The following ANAPC4 variants were observed in gnomAD, a reference collection of about 807,000 sequenced individuals.
ANAPC4 encodes the protein anaphase-promoting complex subunit 4.
A neutral mutation model predicts 119.8 loss-of-function variants in ANAPC4; 63 were observed. The observed-to-expected ratio is 0.53, with a 90% CI of 0.43 to 0.65. ANAPC4 has a LOEUF of 0.65. Ranked by LOEUF, ANAPC4 falls within the 30% of genes least tolerant of loss-of-function variation. ANAPC4 has a pLI of 0.00. For synonymous variants in ANAPC4, 283 were observed against 318.6 expected (o/e 0.89, Z 1.19); for missense variants, 716 against 945.1 (o/e 0.76, Z 3.18).
At chr4:25,401,644 C>T (rs16877106) in intron 16 of ANAPC4, among the ~76,000 whole-genome samples, 7,372 of 152,284 alleles carry the variant, frequency 0.048, 205 homozygotes, top group South Asian at 0.078. Context: ...AGGGCCTACG[C>T]TCTTAAGCCA....
At chr4:25,383,547 A>AC (rs564563091) in intron 4 of ANAPC4, among the ~76,000 whole-genome samples, 154 bp downstream of exon 4, 21 of 150,478 alleles carry the variant, frequency 1.4e-4, no homozygotes, top group Non-Finnish European at 5.9e-5. Flanking sequence ...GCTTTCTTAG[A>AC]TTTTTTTTTT....
chr4:25,395,743 C>T (rs1258071871), intron 14 of ANAPC4, among the ~76,000 whole-genome samples: 5 of 152,170 alleles, frequency 3.3e-5, no homozygotes, highest in African/African-American at 1.2e-4. Context: ...AGCCACCACA[C>T]CTGGTGGTGT....
In ANAPC4 at chr4:25,407,262, T is replaced by C. The variant is rs370122635; in HGVS notation, c.1431+9T>C. On this transcript the variant is annotated intron_variant, in intron 20 of 28. Coordinates refer to ENST00000315368, the MANE Select transcript of ANAPC4 (RefSeq NM_013367.3). ...TTGAAAGAGTTGGTCAGGTATGGGC[T>C]TTGAACTCATTTTAAAACCTTAGCA... is the stretch of plus-strand genomic sequence containing the variant. 1.3e-6 allele frequency: 2 copies of C among 1,589,710 alleles called. No individual in the cohort carries two copies. Among genetic ancestry groups the C allele is most frequent in the African/African-American group, 2.7e-5 (2 of 73,346 alleles).
At chr4:25,379,282 A>G (rs890280286) in intron 2 of ANAPC4, among the ~76,000 whole-genome samples, 1 of 152,164 alleles carries the variant, frequency 6.6e-6, no homozygotes, top group Non-Finnish European at 1.5e-5. Flanking sequence ...ATCACCAAAA[A>G]TGATGATGAG....
intron 20 of ANAPC4, 74 bp downstream of exon 20, chr4:25,407,327 C>A (rs1723309177): frequency 3.4e-6 from 4 of 1,185,296 alleles, no homozygotes; most frequent in Admixed American, 5.1e-5. Context: ...GAAAGAATTA[C>A]AATACCAAGT....
At chr4:25,383,228 C>G in intron 3 of ANAPC4, 33 bp from the exon 4 acceptor site, 1 of 1,535,474 alleles carries the variant, frequency 6.5e-7, no homozygotes, top group Non-Finnish European at 8.8e-7. Context: ...AATTGTTACA[C>G]TAATTTATTC....
chr4:25,391,486 G>T (rs1210579779), intron 9 of ANAPC4, among the ~76,000 whole-genome samples: 1 of 152,200 alleles, frequency 6.6e-6, no homozygotes, highest in Non-Finnish European at 1.5e-5. Context: ...GATGTCACAG[G>T]ATGGGAAAGT....
At chr4:25,416,303 A>G in intron 26 of ANAPC4, 122 bp from the exon 27 acceptor site, 1 of 511,422 alleles carries the variant, frequency 2.0e-6, no homozygotes, top group Non-Finnish European at 3.3e-6. Flanking sequence ...TTTAAATGTT[A>G]TTGTACAGAA....
chr4:25,396,943 C>T (rs373252664), intron 16 of ANAPC4, 44 bp downstream of exon 16: 295 of 1,530,784 alleles, frequency 1.9e-4, no homozygotes, highest in Non-Finnish European at 2.1e-4. Context: ...AAGAATATGT[C>T]ACTTTTGACC....
Position 25,405,555 on chromosome 4 carries a change from T to C in ANAPC4, c.1271-18T>C, listed in dbSNP as rs780499449. On this transcript the variant is annotated intron_variant, in intron 17 of 28. Transcript: ENST00000315368. The surrounding 1 kb of genome is among the most constrained non-coding windows in gnomAD (Gnocchi z 4.6). ...GTAGTTTGCTTTTAAAGATAGTTTT[T>C]TAACTTTGTATTTCCAGCAATGTTG... The C allele has an allele frequency of 1.3e-5, 21 of 1,612,048 alleles. No individual in the cohort carries two copies. Among genetic ancestry groups the C allele is most frequent in the Non-Finnish European group, 1.8e-5 (21 of 1,178,504 alleles).
intron 7 of ANAPC4, among the ~76,000 whole-genome samples, chr4:25,389,496 T>C (rs1398746314): frequency 1.3e-5 from 2 of 152,180 alleles, no homozygotes; most frequent in Non-Finnish European, 2.9e-5. Flanking sequence ...TTTCACCATG[T>C]TGGCCAGGCT....
rs533354764 is a variant in ANAPC4, at chr4:25,410,383, T to A, written c.1525+592T>A. 2.6e-5 allele frequency among the ~76,000 whole-genome samples: 4 copies of A among 152,322 alleles called. No homozygotes were observed. In the South Asian group the frequency reaches 8.3e-4, roughly 32 times the overall value. The stretch of plus-strand genomic sequence containing the variant: ...GTCTGAAAGAATAATCTGACCAGAT[T>A]TAGCAATTGCTTAGATCTTTAAGGT... On this transcript the variant is annotated intron_variant, in intron 21 of 28. Coordinates refer to ENST00000315368, the MANE Select transcript of ANAPC4 (RefSeq NM_013367.3).
intron 14 of ANAPC4, 149 bp downstream of exon 14, chr4:25,395,054 T>A: frequency 1.7e-6 from 1 of 596,752 alleles, no homozygotes; most frequent in Non-Finnish European, 2.9e-6. Context: ...AATCTTCCTA[T>A]ACCCAAGATT....
chr4:25,393,909 TC>T lies in ANAPC4; in HGVS notation c.876+21del. The T allele has an allele frequency of 6.3e-7, 1 of 1,586,404 alleles. No homozygotes were observed. The highest frequency in any genetic ancestry group is 8.6e-7 in the Non-Finnish European group (1 of 1,163,586). On this transcript the variant is annotated intron_variant, in intron 11 of 28. Transcript: ENST00000315368. ...TTGTGCAGGTAAAGCAGCTGAAGTT[TC>T]CCATGGAGAGAGTTAAAGAATGCAT... is the stretch of plus-strand genomic sequence containing the variant.
chr4:25,393,661 C>T (rs954879462), intron 10 of ANAPC4, 144 bp from the exon 11 acceptor site: 23 of 505,638 alleles, frequency 4.5e-5, no homozygotes, highest in African/African-American at 3.0e-4. Context: ...GACTCTGTCT[C>T]GATAAATAAA....
chr4:25,409,910 CTT>C, intron 21 of ANAPC4, 119 bp downstream of exon 21: 1 of 647,470 alleles, frequency 1.5e-6, no homozygotes, highest in Non-Finnish European at 2.7e-6. Context: ...GTTTATTAGA[CTT>C]ATATTTATTT....
At position 25,394,236 on chromosome 4, in the gene ANAPC4, C is replaced by G. The variant is rs1010980322; in HGVS notation, c.877-74C>G. On this transcript the variant is annotated intron_variant, in intron 11 of 28. Transcript: ENST00000315368. ...TAAGGCAAGGAAAGGGAGTCATGCT[C>G]CTATAATTTTGAATAAATATGCTTA... is the stretch of plus-strand genomic sequence containing the variant. 6 of 1,207,074 alleles carry G rather than the reference C, an allele frequency of 5.0e-6. No individual in the cohort carries two copies. In the Admixed American group the frequency reaches 1.6e-4, roughly 32 times the overall value. 74.8% of individuals were successfully genotyped at this position (1,207,074 alleles called of 1,614,324 possible). A position where few individuals can be genotyped will look rare whatever the true frequency, so the allele number is the denominator to read the frequency against.
At position 25,394,818 on chromosome 4, in the gene ANAPC4, T is replaced by G; in HGVS notation, c.985-11T>G. On this transcript the variant is annotated splice_polypyrimidine_tract_variant and intron_variant, in intron 13 of 28. Transcript: ENST00000315368. Reference sequence around the variant, plus strand: ...GATTGTATGCTAAATATATTTTCCTTTTTTAATTAGGGCTTGAAAAAGCTT... The same window carrying G: ...GATTGTATGCTAAATATATTTTCCTGTTTTAATTAGGGCTTGAAAAAGCTT... 1 of 1,609,342 alleles carries G rather than the reference T, an allele frequency of 6.2e-7. No homozygotes were observed. Among genetic ancestry groups the G allele is most frequent in the Non-Finnish European group, 8.5e-7 (1 of 1,178,614 alleles).
chr4:25,410,060 A>G (rs1429394536), intron 21 of ANAPC4, among the ~76,000 whole-genome samples: 1 of 152,196 alleles, frequency 6.6e-6, no homozygotes, highest in East Asian at 1.9e-4. Flanking sequence ...CCTGTAAAAA[A>G]TAGGATTTTG....
Sources: allele counts gnomAD v4.1 joint callset (sites outside exome capture counted in the v4.1 genomes callset), GRCh38; gene constraint gnomAD v4.1.1; non-coding constraint Gnocchi (gnomAD v3.1); transcripts MANE v1.5; gene names NCBI Gene and HGNC (gene_info 2026-07-23, HGNC 2026-07-21).